Variants in OSBPL2 observed in about 807,000 individuals in gnomAD.
OSBPL2 encodes the protein oxysterol-binding protein-related protein 2.
In OSBPL2, 18 loss-of-function variants were observed where a neutral mutation model predicts 58.4. The ratio of observed to expected loss-of-function variants is 0.31; its 90% confidence interval spans 0.21 to 0.46. The LOEUF (loss-of-function observed/expected upper bound fraction) is 0.46. OSBPL2 is among the 20% of genes least tolerant of loss of function. OSBPL2 has a pLI of 1.00. For synonymous variants in OSBPL2, 221 were observed against 234.1 expected, an observed-to-expected ratio of 0.94 and a Z score of 0.51; for missense variants, 461 against 616.5, an observed-to-expected ratio of 0.75 and a Z score of 2.67.
In OSBPL2 at chr20:62,271,024, C is replaced by T. The variant is rs1212536073; in HGVS notation, c.259-1101C>T. Among the ~76,000 whole-genome samples the T allele has an allele frequency of 2.6e-5, 4 of 151,426 alleles. No individual in the cohort carries two copies. The South Asian group carries it at 6.3e-4, about 24-fold the overall frequency. ...TGGCCTCTCTGGGTCCTTTCCTTGT[C>T]CCTTTCTGGTCTCTCTGGTCCTCTC... On this transcript the variant is annotated intron_variant, in intron 4 of 13. Coordinates refer to ENST00000313733, the MANE Select transcript of OSBPL2 (RefSeq NM_144498.4).
chr20:62,263,618 C>T lies in OSBPL2; in HGVS notation c.185C>T (p.Thr62Ile). The T allele has an allele frequency of 6.2e-7, 1 of 1,614,036 alleles. No individual in the cohort carries two copies. Among genetic ancestry groups the T allele is most frequent in the South Asian group, 1.1e-5 (1 of 91,080 alleles). ...CGCACCCCTTTTGTGCTTCGCAGGA[C>T]ATCGCTGCCGGCTCCCATGTTCAGC... ...SQENGIQKHRTSLPAPMFSRS... is the reference protein window; with the variant it reads ...SQENGIQKHRISLPAPMFSRS... The change falls in exon 4 of 14, where the codon ACA becomes ATA. Residue 62 changes from threonine to isoleucine, a missense_variant and splice_region_variant. Thr to Ile is a moderately conservative substitution (Grantham distance 89). Around this residue, in one of 5 missense-constraint regions of OSBPL2, gnomAD observed 80 missense variants for 74.8 expected, o/e 1.07. Coordinates refer to ENST00000313733, the MANE Select transcript of OSBPL2 (RefSeq NM_144498.4).
intron 4 of OSBPL2, among the ~76,000 whole-genome samples, chr20:62,267,206 C>T (rs764304557): frequency 6.6e-6 from 1 of 152,202 alleles, no homozygotes. Context: ...GATCACATTA[C>T]TACACTCCAG....
chr20:62,253,938 C>T (rs1363584211), intron 1 of OSBPL2, among the ~76,000 whole-genome samples: 1 of 152,008 alleles, frequency 6.6e-6, no homozygotes, highest in Non-Finnish European at 1.5e-5. Flanking sequence ...ATTATAGGCA[C>T]TTGTCACCAT....
intron 1 of OSBPL2, among the ~76,000 whole-genome samples, chr20:62,255,844 A>G (rs1042090107): frequency 5.3e-5 from 8 of 152,232 alleles, no homozygotes; most frequent in Non-Finnish European, 1.2e-4. Context: ...ATAGGGCTGA[A>G]TTATTGGTCT....
intron 4 of OSBPL2, among the ~76,000 whole-genome samples, chr20:62,266,987 G>A (rs542072049): frequency 2.6e-5 from 4 of 152,310 alleles, no homozygotes; most frequent in African/African-American, 9.6e-5. Context: ...GCGTGCGACG[G>A]CTCACGCCTA....
In OSBPL2 at chr20:62,288,682, G is replaced by T. The variant is rs1224238644; in HGVS notation, c.1126-525G>T. Among the ~76,000 whole-genome samples, 1 of 152,204 alleles carries T rather than the reference G, an allele frequency of 6.6e-6. No homozygotes were observed. The highest frequency in any genetic ancestry group is 1.5e-5 in the Non-Finnish European group (1 of 68,020). On this transcript the variant is annotated intron_variant, in intron 11 of 13. Transcript: ENST00000313733. The surrounding 1 kb of genome is among the most constrained non-coding windows in gnomAD (Gnocchi z 4.8). The stretch of plus-strand genomic sequence containing the variant: ...CAAGACGCCGAGCAGACAGCTGCGA[G>T]CCAGAAGTCAGGCAGAGCAAGGCTC...
chr20:62,259,897 C>T (rs1045942861), intron 2 of OSBPL2, 84 bp from the exon 3 acceptor site: 16 of 1,270,262 alleles, frequency 1.3e-5, no homozygotes, highest in Non-Finnish European at 1.0e-5. Flanking sequence ...TAGTCACCTG[C>T]TTGCATAGTC....
Position 62,293,849 on chromosome 20 carries a change from T to C in OSBPL2, c.1405T>C (p.Phe469Leu). ...TPDWLYAGDY[F>L]ERNFSDCPDI... is the part of the protein sequence containing the mutation. ...CGACTGGTTGTATGCAGGGGATTACTTTGAGCGGAATTTCTCCGACTGCCC... is the reference window on the plus strand; with the variant it reads ...CGACTGGTTGTATGCAGGGGATTACCTTGAGCGGAATTTCTCCGACTGCCC... Residue 469 changes from phenylalanine to leucine, a missense_variant, in exon 14 of 14, where the codon TTT becomes CTT. Phe to Leu is a conservative substitution (Grantham distance 22). Around this residue, in one of 5 missense-constraint regions of OSBPL2, gnomAD observed 319 missense variants for 419.2 expected, o/e 0.76. Coordinates refer to ENST00000313733, the MANE Select transcript of OSBPL2 (RefSeq NM_144498.4). 1 of 1,614,118 alleles carries C rather than the reference T, an allele frequency of 6.2e-7. No homozygotes were observed. The highest frequency in any genetic ancestry group is 8.5e-7 in the Non-Finnish European group (1 of 1,180,008).
At chr20:62,266,794 T>C (rs1218758428) in intron 4 of OSBPL2, among the ~76,000 whole-genome samples, 2 of 152,156 alleles carry the variant, frequency 1.3e-5, no homozygotes, top group Non-Finnish European at 2.9e-5. Flanking sequence ...TATTATACTT[T>C]AGAAAATAAC....
intron 8 of OSBPL2, chr20:62,281,564 C>G (rs1982786556): frequency 3.7e-6 from 2 of 538,206 alleles, no homozygotes; most frequent in East Asian, 6.0e-5. Context: ...TAAGACTCGC[C>G]CATTCTGAAT....
intron 6 of OSBPL2, 34 bp downstream of exon 6, chr20:62,273,440 T>G: frequency 7.0e-7 from 1 of 1,438,692 alleles, no homozygotes; most frequent in South Asian, 1.2e-5. Context: ...AAATATCTTG[T>G]AAATGGAATT....
chr20:62,289,882 G>A (rs1983378239), intron 12 of OSBPL2, among the ~76,000 whole-genome samples: 1 of 152,128 alleles, frequency 6.6e-6, no homozygotes, highest in African/African-American at 2.4e-5. Flanking sequence ...TCCAGCCAGG[G>A]CGACAGAGTG....
intron 8 of OSBPL2, 143 bp from the exon 9 acceptor site, chr20:62,281,647 A>C: frequency 1.7e-6 from 1 of 602,232 alleles, no homozygotes; most frequent in South Asian, 2.0e-5. Flanking sequence ...AAACACTTCC[A>C]TCGCCCCAAA....
At position 62,289,281 on chromosome 20, in the gene OSBPL2, G is replaced by A. The variant is rs747073840; in HGVS notation, c.1200G>A (p.Thr400=). 3.5e-5 allele frequency: 56 copies of A among 1,613,558 alleles called. No individual in the cohort carries two copies. The highest frequency in any genetic ancestry group is 4.1e-5 in the Non-Finnish European group (48 of 1,179,746). ...ETGMEKTLPP[T]DCRLRPDIRG... ...GCATGGAGAAGACCCTGCCACCCAC[G>A]GACTGCCGCCTGCGCCCTGACATCC... The change falls in exon 12 of 14, where the codon ACG becomes ACA. Residue 400 remains threonine, a synonymous_variant. Transcript: ENST00000313733.
intron 1 of OSBPL2, among the ~76,000 whole-genome samples, chr20:62,246,662 C>T (rs923249173): frequency 6.6e-6 from 1 of 152,136 alleles, no homozygotes; most frequent in African/African-American, 2.4e-5. Context: ...CACTCCTGCC[C>T]CAGGGCTTAG....
At chr20:62,285,155 ATGT>A (rs549733377) in intron 10 of OSBPL2, 43 of 152,188 alleles carry the variant, frequency 2.8e-4, no homozygotes, top group Non-Finnish European at 4.4e-4. Flanking sequence ...AGTGTTTTTT[ATGT>A]TGTTGTATTC....
At chr20:62,285,145 A>G (rs1415841933) in intron 10 of OSBPL2, 1 of 152,216 alleles carries the variant, frequency 6.6e-6, no homozygotes, top group Non-Finnish European at 1.5e-5. Flanking sequence ...CCGGATCCCA[A>G]GTGTTTTTTA....
Position 62,293,481 on chromosome 20 carries a change from A to C in OSBPL2, c.1341-304A>C, listed in dbSNP as rs1400902257. ...GCTTTTGCCTTGAAAAGGGAGAGGC[A>C]TTATTTAGGCTCCAGTAACTTCTCT... On this transcript the variant is annotated intron_variant, in intron 13 of 13. Transcript: ENST00000313733. 2.6e-5 allele frequency among the ~76,000 whole-genome samples: 4 copies of C among 152,232 alleles called. No individual in the cohort carries two copies. The South Asian group carries it at 8.3e-4, about 31-fold the overall frequency.
At chr20:62,263,999 A>G (rs1294782857) in intron 4 of OSBPL2, among the ~76,000 whole-genome samples, 1 of 147,494 alleles carries the variant, frequency 6.8e-6, no homozygotes, top group Non-Finnish European at 1.5e-5. Context: ...CAGGAGGCGG[A>G]GGTTGCAGTG....
Sources: allele counts gnomAD v4.1 joint callset (sites outside exome capture counted in the v4.1 genomes callset), GRCh38; gene constraint gnomAD v4.1.1; regional missense constraint gnomAD v4.1.1; non-coding constraint Gnocchi (gnomAD v3.1); transcripts MANE v1.5; gene names NCBI Gene and HGNC (gene_info 2026-07-23, HGNC 2026-07-21).